DIAPH2: variants seen among roughly 807,000 people sequenced by gnomAD.
The protein encoded by DIAPH2 is protein diaphanous homolog 2.
A neutral mutation model predicts 92.7 loss-of-function variants in DIAPH2; 35 were observed. That is an observed-to-expected ratio of 0.38 (90% CI 0.29 to 0.50). DIAPH2 has a LOEUF of 0.50. DIAPH2 is among the 20% of genes least tolerant of loss of function. The pLI is 0.94. For synonymous variants in DIAPH2, 301 were observed against 280.4 expected (o/e 1.07, Z -0.73); for missense variants, 701 against 819.5 (o/e 0.86, Z 1.77).
chrX:97,237,452 T>C (rs2068056870), intron 22 of DIAPH2, among the ~76,000 whole-genome samples: 1 of 111,379 alleles, frequency 9.0e-6, no homozygotes, highest in South Asian at 3.8e-4. Flanking sequence ...CTATTCAGGT[T>C]AGACCAATAT....
rs1464507206 is a variant in DIAPH2 at position 97,439,278 on chromosome X, T to G, written c.3241+9533T>G. 9.0e-5 allele frequency among the ~76,000 whole-genome samples: 10 copies of G among 111,098 alleles called. No homozygotes were observed. The South Asian group carries it at 3.9e-3, about 43-fold the overall frequency. On this transcript the variant is annotated intron_variant, in intron 26 of 26. Coordinates refer to ENST00000324765, the MANE Select transcript of DIAPH2 (RefSeq NM_006729.5). Reference sequence around the variant, plus strand: ...CCTTGTCTCTACAAAAATTTTTATTTGAAAATTAGCCAGGGGTGGGGTGCG... The same window carrying G: ...CCTTGTCTCTACAAAAATTTTTATTGGAAAATTAGCCAGGGGTGGGGTGCG...
intron 4 of DIAPH2, among the ~76,000 whole-genome samples, chrX:96,823,414 T>C (rs1026661517): frequency 9.0e-6 from 1 of 111,319 alleles, no homozygotes; most frequent in East Asian, 2.8e-4. Flanking sequence ...GTTTATGATA[T>C]AGTAAATGAT....
At chrX:96,703,806 A>C (rs1440979018) in intron 1 of DIAPH2, among the ~76,000 whole-genome samples, 1 of 112,287 alleles carries the variant, frequency 8.9e-6, no homozygotes, top group Non-Finnish European at 1.9e-5. Context: ...CAAAATGAGA[A>C]GAGATACATT....
At chrX:97,017,001 C>T (rs758576694) in intron 17 of DIAPH2, among the ~76,000 whole-genome samples, 4 of 111,632 alleles carry the variant, frequency 3.6e-5, no homozygotes, top group South Asian at 7.5e-4. Flanking sequence ...AGGTGTGTCA[C>T]GGGCCTCCAT....
At chrX:96,701,023 CCTCTT>C (rs751232115) in intron 1 of DIAPH2, among the ~76,000 whole-genome samples, 4 of 111,819 alleles carry the variant, frequency 3.6e-5, no homozygotes, top group African/African-American at 1.3e-4. Flanking sequence ...CCTGAAATAA[CCTCTT>C]CTTTTTTCTG....
intron 26 of DIAPH2, among the ~76,000 whole-genome samples, chrX:97,524,173 C>A (rs745338033): frequency 2.0e-4 from 22 of 111,854 alleles, no homozygotes; most frequent in Non-Finnish European, 3.0e-4. Flanking sequence ...AGAGAAGATG[C>A]TTTAACTCCT....
intron 22 of DIAPH2, among the ~76,000 whole-genome samples, chrX:97,154,876 G>A (rs768921575): frequency 5.4e-5 from 6 of 111,931 alleles, no homozygotes; most frequent in South Asian, 3.7e-4. Flanking sequence ...GATATTCTTC[G>A]GAGGAAAATG....
intron 24 of DIAPH2, among the ~76,000 whole-genome samples, chrX:97,365,135 C>CT (rs760751631): frequency 1.8e-4 from 20 of 111,108 alleles, no homozygotes; most frequent in African/African-American, 5.2e-4. Context: ...TCAAGAGACT[C>CT]TATCTGTTTT....
intron 4 of DIAPH2, among the ~76,000 whole-genome samples, chrX:96,814,228 T>G (rs1316574547): frequency 8.9e-6 from 1 of 111,879 alleles, no homozygotes; most frequent in Admixed American, 9.5e-5. Context: ...CATTTCTTTT[T>G]ACTCTTTTTT....
At chrX:97,472,634 A>T (rs2070572262) in intron 26 of DIAPH2, among the ~76,000 whole-genome samples, 1 of 111,901 alleles carries the variant, frequency 8.9e-6, no homozygotes, top group Non-Finnish European at 1.9e-5. Context: ...AATTGACATA[A>T]TTTTTTAAAT....
chrX:96,924,961 G>T (rs1340911656), intron 9 of DIAPH2, among the ~76,000 whole-genome samples: 1 of 110,990 alleles, frequency 9.0e-6, no homozygotes. Context: ...AGCTCTCCTT[G>T]TTTTTCCTTC....
chrX:97,328,080 G>T (rs1370984232), intron 23 of DIAPH2, among the ~76,000 whole-genome samples: 1 of 111,732 alleles, frequency 8.9e-6, no homozygotes, highest in Non-Finnish European at 1.9e-5. Context: ...GAACATATAG[G>T]TAAATATTAT....
At chrX:96,966,936 A>G (rs1207871466) in intron 17 of DIAPH2, among the ~76,000 whole-genome samples, 1 of 112,211 alleles carries the variant, frequency 8.9e-6, no homozygotes, top group East Asian at 2.8e-4. Context: ...TGAAAATGGT[A>G]AATCATTGTT....
chrX:96,974,709 T>C (rs774554030), intron 17 of DIAPH2, among the ~76,000 whole-genome samples: 1 of 111,748 alleles, frequency 8.9e-6, no homozygotes, highest in East Asian at 2.8e-4. Context: ...TTGTTTATTA[T>C]TCAATTTGAT....
At chrX:97,241,283 T>G (rs2068090885) in intron 22 of DIAPH2, among the ~76,000 whole-genome samples, 1 of 111,368 alleles carries the variant, frequency 9.0e-6, no homozygotes, top group African/African-American at 3.3e-5. Context: ...ACTTAAGAAC[T>G]TAAGTAATGA....
At chrX:96,751,449 G>A (rs2064186957) in intron 3 of DIAPH2, among the ~76,000 whole-genome samples, 1 of 102,835 alleles carries the variant, frequency 9.7e-6, no homozygotes, top group Non-Finnish European at 2.0e-5. Flanking sequence ...GGTGGTGGGC[G>A]CCTGTAGTCT....
chrX:97,391,415 C>T (rs1025836121), intron 25 of DIAPH2, among the ~76,000 whole-genome samples: 1 of 111,238 alleles, frequency 9.0e-6, no homozygotes, highest in Non-Finnish European at 1.9e-5. Context: ...TCTTCTCTTC[C>T]ACCGAAAGAG....
chrX:97,019,550 A>G (rs1349146239), intron 17 of DIAPH2, among the ~76,000 whole-genome samples: 5 of 110,782 alleles, frequency 4.5e-5, no homozygotes, highest in Admixed American at 9.7e-5. Flanking sequence ...CCCTAACCTG[A>G]GGCCAGTGCT....
At chrX:97,429,559 T>C in intron 25 of DIAPH2, 91 bp from the exon 26 acceptor site, 3 of 1,086,357 alleles carry the variant, frequency 2.8e-6, no homozygotes, top group Non-Finnish European at 2.4e-6. Context: ...TTAGGGGTAT[T>C]ATGTAAATCT....
Sources: allele counts gnomAD v4.1 joint callset (sites outside exome capture counted in the v4.1 genomes callset), GRCh38; gene constraint gnomAD v4.1.1; transcripts MANE v1.5; gene names NCBI Gene and HGNC (gene_info 2026-07-23, HGNC 2026-07-21).